Variants in PTPRS observed in about 807,000 individuals in gnomAD.
PTPRS encodes the protein protein tyrosine phosphatase receptor type S.
PTPRS carries 63 observed loss-of-function variants against 215.3 expected under a neutral mutation model. That is an observed-to-expected ratio of 0.29 (90% confidence interval 0.24 to 0.36). PTPRS has a LOEUF of 0.36. PTPRS is among the 10% of genes least tolerant of loss of function. PTPRS has a pLI of 1.00. For synonymous variants in PTPRS, 1,404 were observed against 1,191.4 expected, an observed-to-expected ratio of 1.18 and a Z score of -3.68; for missense variants, 2,258 against 2,825.8, an observed-to-expected ratio of 0.80 and a Z score of 4.56.
intron 1 of PTPRS, among the ~76,000 whole-genome samples, chr19:5,302,781 G>C (rs551692905): frequency 2.5e-4 from 38 of 152,158 alleles, no homozygotes; most frequent in African/African-American, 8.0e-4. Flanking sequence ...GGCTCGGCCA[G>C]GCGTGGTGGC....
intron 11 of PTPRS, among the ~76,000 whole-genome samples, chr19:5,242,899 T>A (rs1222748996): frequency 6.6e-6 from 1 of 151,978 alleles, no homozygotes; most frequent in Non-Finnish European, 1.5e-5. Flanking sequence ...GGGGTCTAGC[T>A]ACATTGTCCA....
chr19:5,305,672 T>C (rs1392922936), intron 1 of PTPRS, among the ~76,000 whole-genome samples: 1 of 150,964 alleles, frequency 6.6e-6, no homozygotes, highest in Non-Finnish European at 1.5e-5. Context: ...GAGGCTGCAG[T>C]GAGTGATGAT....
rs1450600627 is a variant in PTPRS at position 5,220,255 on chromosome 19, C to T, written c.3549+5G>A. ...GGCCCTGCGGGTTGGGCCCCAGGCC[C>T]TCACCTCTTCCAGATCCATGTCCTC... On this transcript the variant is annotated splice_donor_5th_base_variant and intron_variant, in intron 21 of 37. Coordinates refer to ENST00000262963, the MANE Select transcript of PTPRS (RefSeq NM_002850.4). The T allele has an allele frequency of 1.1e-5, 18 of 1,613,598 alleles. No individual in the cohort carries two copies. In the Admixed American group the frequency reaches 2.0e-4, roughly 18 times the overall value.
At chr19:5,228,281 G>T (rs1006047033) in intron 16 of PTPRS, among the ~76,000 whole-genome samples, 4 of 148,874 alleles carry the variant, frequency 2.7e-5, no homozygotes, top group African/African-American at 5.0e-5. Context: ...GGAGGTGGAG[G>T]TTGCAGTGAG....
Position 5,229,609 on chromosome 19 carries a change from G to A in PTPRS, c.2231C>T (p.Pro744Leu). The A allele has an allele frequency of 7.0e-7, 1 of 1,419,420 alleles. No individual in the cohort carries two copies. Among genetic ancestry groups the A allele is most frequent in the Non-Finnish European group, 9.2e-7 (1 of 1,087,406 alleles). The allele number at this position is 1,419,420 out of a possible 1,614,324, so 87.9% of individuals were successfully genotyped here. Reference sequence around the variant, plus strand: ...CTGGCCGTGCTGCCGGCCGGGCGCGGGCGAGCGCCACAGCACGCGGATGGC... The same window carrying A: ...CTGGCCGTGCTGCCGGCCGGGCGCGAGCGAGCGCCACAGCACGCGGATGGC... ...ATAIRVLWRS[P>L]APGRQHGQIR... is the part of the protein sequence containing the mutation. Residue 744 changes from proline to leucine, a missense_variant, in exon 15 of 38, where the codon CCC (proline) becomes CTC (leucine). Coordinates refer to ENST00000262963, the MANE Select transcript of PTPRS (RefSeq NM_002850.4).
intron 1 of PTPRS, among the ~76,000 whole-genome samples, chr19:5,299,502 C>T (rs566306846): frequency 6.6e-6 from 1 of 152,356 alleles, no homozygotes; most frequent in East Asian, 1.9e-4. Flanking sequence ...GCACCCATCA[C>T]CCATTACCCA....
chr19:5,340,288 T>A (rs1483341928), intron 1 of PTPRS, among the ~76,000 whole-genome samples: 2 of 146,446 alleles, frequency 1.4e-5, no homozygotes, highest in Non-Finnish European at 3.0e-5. Flanking sequence ...CGCGCCCCCC[T>A]CCGCGCCTCT....
In PTPRS at chr19:5,229,326, G is replaced by A. The variant is rs1015963134; in HGVS notation, c.2366C>T (p.Thr789Met). 2.2e-6 allele frequency: 3 copies of A among 1,378,154 alleles called. No homozygotes were observed. Among genetic ancestry groups the A allele is most frequent in the South Asian group, 2.1e-5 (1 of 48,634 alleles). The allele number at this position is 1,378,154 out of a possible 1,614,324, so 85.4% of individuals were successfully genotyped here. Reference sequence around the variant, plus strand: ...AGGGGCGCTACTTACATATTCGGCCGTGTCATCCGTCTCCCACTGAGCGCG... The same window carrying A: ...AGGGGCGCTACTTACATATTCGGCCATGTCATCCGTCTCCCACTGAGCGCG... ...LADAQWETDD[T>M]AEYEMVITNL... The change falls in exon 16 of 38, where the codon ACG becomes ATG. Residue 789 changes from threonine to methionine, a missense_variant. Transcript: ENST00000262963.
chr19:5,325,055 T>C (rs536696554), intron 1 of PTPRS, among the ~76,000 whole-genome samples: 26 of 152,318 alleles, frequency 1.7e-4, no homozygotes, highest in Admixed American at 1.3e-3. Context: ...AGGTTGGCCA[T>C]TCAGGGTTAT....
chr19:5,326,957 C>T (rs1332905935), intron 1 of PTPRS, among the ~76,000 whole-genome samples: 1 of 152,156 alleles, frequency 6.6e-6, no homozygotes, highest in Non-Finnish European at 1.5e-5. Flanking sequence ...AGAGTGACCT[C>T]GGCACAGACC....
chr19:5,271,273 A>T (rs555101433), intron 4 of PTPRS, among the ~76,000 whole-genome samples: 1 of 152,342 alleles, frequency 6.6e-6, no homozygotes, highest in Admixed American at 6.5e-5. Flanking sequence ...AACAGTGATG[A>T]ACACAGTAAC....
chr19:5,238,264 A>G (rs955080050), intron 13 of PTPRS, among the ~76,000 whole-genome samples: 17 of 151,916 alleles, frequency 1.1e-4, no homozygotes, highest in Admixed American at 4.6e-4. Flanking sequence ...GTGAAGGGTG[A>G]CTCGCTCCAA....
chr19:5,273,018 T>C (rs1327225038), intron 4 of PTPRS: 1 of 241,040 alleles, frequency 4.1e-6, no homozygotes, highest in African/African-American at 2.3e-5. Context: ...AAGGATATCA[T>C]CAATACAGAA....
At chr19:5,255,711 C>T (rs2045499320) in intron 9 of PTPRS, among the ~76,000 whole-genome samples, 1 of 152,194 alleles carries the variant, frequency 6.6e-6, no homozygotes, top group African/African-American at 2.4e-5. Flanking sequence ...GAGAGGCATG[C>T]AGAGAAATTT....
chr19:5,229,272 G>T (rs775312943), intron 16 of PTPRS, 44 bp downstream of exon 16: 1 of 1,366,366 alleles, frequency 7.3e-7, no homozygotes, highest in East Asian at 2.8e-5. Flanking sequence ...CACGGCCCGC[G>T]GGAAGCGCAC....
At position 5,244,283 on chromosome 19, in the gene PTPRS, C is replaced by T. The variant is rs1020481013; in HGVS notation, c.1188G>A (p.Ser396=). The change falls in exon 11 of 38, where the codon TCG becomes TCA. Residue 396 remains serine, a synonymous_variant. Transcript: ENST00000262963. The surrounding 1 kb of genome is among the most constrained non-coding windows in gnomAD (Gnocchi z 7.2). ...CGGCCGACACCCAGATCTCGTACTCCGAGTTGGGGCTCAGGCCGCCGATGC... is the reference window on the plus strand; with the variant it reads ...CGGCCGACACCCAGATCTCGTACTCTGAGTTGGGGCTCAGGCCGCCGATGC... ...RYSIGGLSPN[S]EYEIWVSAVN... 1.3e-5 allele frequency: 21 copies of T among 1,614,092 alleles called. No individual in the cohort carries two copies. The highest frequency in any genetic ancestry group is 3.3e-5 in the Admixed American group (2 of 60,014).
chr19:5,313,118 T>C (rs550050980), intron 1 of PTPRS, among the ~76,000 whole-genome samples: 16 of 152,292 alleles, frequency 1.1e-4, no homozygotes, highest in African/African-American at 2.9e-4. Context: ...GGTTTCACCA[T>C]GTTGGCCAGG....
Position 5,222,107 on chromosome 19 carries a change from G to A in PTPRS, c.3201+16C>T, listed in dbSNP as rs1486743180. 3 of 1,603,158 alleles carry A rather than the reference G, an allele frequency of 1.9e-6. No individual in the cohort carries two copies. Among genetic ancestry groups the A allele is most frequent in the Non-Finnish European group, 2.6e-6 (3 of 1,171,738 alleles). ...GACCCTGCCTGCCTGCCTGCCTGCT[G>A]GCTGGGCAGTCGCACCTTGTAGGGT... On this transcript the variant is annotated intron_variant, in intron 19 of 37. Coordinates refer to ENST00000262963, the MANE Select transcript of PTPRS (RefSeq NM_002850.4).
At chr19:5,279,426 C>A (rs774092892) in intron 2 of PTPRS, among the ~76,000 whole-genome samples, 1 of 151,418 alleles carries the variant, frequency 6.6e-6, no homozygotes, top group Non-Finnish European at 1.5e-5. Flanking sequence ...GGCTGGAGTG[C>A]GGTGGTGCAA....
Sources: allele counts gnomAD v4.1 joint callset (sites outside exome capture counted in the v4.1 genomes callset), GRCh38; gene constraint gnomAD v4.1.1; non-coding constraint Gnocchi (gnomAD v3.1); transcripts MANE v1.5; gene names NCBI Gene and HGNC (gene_info 2026-07-23, HGNC 2026-07-21).